Variants in UBE3D observed in about 807,000 individuals in gnomAD.
UBE3D encodes E3 ubiquitin-protein ligase E3D.
A neutral mutation model predicts 49.6 loss-of-function variants in UBE3D; 48 were observed. The ratio of observed to expected loss-of-function variants is 0.97; its 90% CI spans 0.77 to 1.23. The LOEUF (loss-of-function observed/expected upper bound fraction) is 1.23, where lower values mean the gene tolerates loss of function less well. Ranked by LOEUF, UBE3D falls within the 50% of genes most tolerant of loss-of-function variation. The pLI, the probability that UBE3D is intolerant of heterozygous loss-of-function variation, is 0.00. For synonymous variants in UBE3D, 189 were observed against 174.2 expected (o/e 1.08, Z -0.67); for missense variants, 452 against 468.4 (o/e 0.96, Z 0.32).
At chr6:83,029,390 T>C (rs1781706012) in intron 5 of UBE3D, among the ~76,000 whole-genome samples, 1 of 152,212 alleles carries the variant, frequency 6.6e-6, no homozygotes, top group Non-Finnish European at 1.5e-5. Flanking sequence ...CTTTAGATCA[T>C]CTAGTGAATT....
chr6:82,988,511 T>C (rs1358581879), intron 8 of UBE3D, among the ~76,000 whole-genome samples: 1 of 151,862 alleles, frequency 6.6e-6, no homozygotes, highest in Non-Finnish European at 1.5e-5. Flanking sequence ...TGAAGACAAA[T>C]CTCTTAAACA....
intron 9 of UBE3D, among the ~76,000 whole-genome samples, chr6:82,904,105 T>G (rs1771928475): frequency 6.6e-6 from 1 of 152,102 alleles, no homozygotes; most frequent in African/African-American, 2.4e-5. Context: ...GAATTCTAAT[T>G]GATATGAAAA....
intron 8 of UBE3D, among the ~76,000 whole-genome samples, chr6:82,994,172 AG>A (rs1779087355): frequency 6.6e-6 from 1 of 152,256 alleles, no homozygotes; most frequent in African/African-American, 2.4e-5. Context: ...GGACAACAGA[AG>A]AAAAAATTTT....
At chr6:82,939,754 T>A (rs1774869201) in intron 9 of UBE3D, among the ~76,000 whole-genome samples, 1 of 152,222 alleles carries the variant, frequency 6.6e-6, no homozygotes, top group Admixed American at 6.5e-5. Context: ...TGATGCCTCA[T>A]GACATGTTTC....
intron 9 of UBE3D, among the ~76,000 whole-genome samples, chr6:82,937,459 A>T (rs1302675148): frequency 6.6e-6 from 1 of 152,200 alleles, no homozygotes; most frequent in Non-Finnish European, 1.5e-5. Context: ...AAGCAGACAC[A>T]TATCTTTAGC....
At chr6:82,911,633 A>T (rs895894373) in intron 9 of UBE3D, among the ~76,000 whole-genome samples, 5 of 152,158 alleles carry the variant, frequency 3.3e-5, no homozygotes, top group African/African-American at 1.2e-4. Context: ...TGAGACTTTC[A>T]TTTAAACACA....
chr6:83,012,012 T>C (rs987092494), intron 8 of UBE3D, among the ~76,000 whole-genome samples: 8 of 152,188 alleles, frequency 5.3e-5, no homozygotes, highest in African/African-American at 1.9e-4. Flanking sequence ...GTTGTAATTA[T>C]GACTTCAAAA....
chr6:82,980,680 T>G (rs1778054375), intron 8 of UBE3D, among the ~76,000 whole-genome samples: 2 of 152,134 alleles, frequency 1.3e-5, no homozygotes, highest in Admixed American at 1.3e-4. Flanking sequence ...TTTCCTAAGT[T>G]TTCTTCTCAT....
At chr6:83,060,067 C>T (rs1188075808) in intron 1 of UBE3D, among the ~76,000 whole-genome samples, 12 of 152,150 alleles carry the variant, frequency 7.9e-5, no homozygotes, top group Non-Finnish European at 1.5e-5. Context: ...ATCAGGGGGG[C>T]CCCGCCCTCA....
downstream of UBE3D, among the ~76,000 whole-genome samples, chr6:82,888,874 C>T (rs554024482): frequency 6.6e-6 from 1 of 152,252 alleles, no homozygotes; most frequent in Admixed American, 6.5e-5. Flanking sequence ...GACTGATTTC[C>T]ATTAACTCCC....
intron 8 of UBE3D, among the ~76,000 whole-genome samples, chr6:82,965,421 T>TAA (rs141243542): frequency 0.16 from 23,942 of 151,452 alleles, 1,924 homozygotes; most frequent in African/African-American, 0.17. Context: ...CCATCTCTAC[T>TAA]AAATACAAAA....
the UBE3D span, among the ~76,000 whole-genome samples, chr6:82,886,553 T>C: frequency 6.6e-6 from 1 of 152,190 alleles, no homozygotes; most frequent in South Asian, 2.1e-4. Flanking sequence ...CTTGATGGAA[T>C]AAAGGGAAAA....
At chr6:82,918,062 G>A (rs1330919615) in intron 9 of UBE3D, among the ~76,000 whole-genome samples, 2 of 151,828 alleles carry the variant, frequency 1.3e-5, no homozygotes, top group Non-Finnish European at 2.9e-5. Context: ...TTTGTCTCTT[G>A]GCCAAATTCT....
In UBE3D at chr6:83,057,825, C is replaced by G; in HGVS notation, c.274+1G>C. The G allele has an allele frequency of 1.9e-6, 3 of 1,613,938 alleles. No individual in the cohort carries two copies. Among genetic ancestry groups the G allele is most frequent in the Non-Finnish European group, 2.5e-6 (3 of 1,179,910 alleles). ...GCAGCAGAAGTGCTAATATTACTCA[C>G]TTGTGCCTAATTTTGCTTGCGTCTG... On this transcript the variant is annotated splice_donor_variant, in intron 2 of 9. Transcript: ENST00000369747. LOFTEE classifies it high-confidence loss of function.
At chr6:82,895,473 A>G (rs1207449317) in intron 9 of UBE3D, among the ~76,000 whole-genome samples, 1 of 152,170 alleles carries the variant, frequency 6.6e-6, no homozygotes, top group Non-Finnish European at 1.5e-5. Flanking sequence ...CAGTGGACAG[A>G]GGCCAGGGAC....
At chr6:82,895,797 A>G (rs907349703) in intron 9 of UBE3D, among the ~76,000 whole-genome samples, 4 of 152,344 alleles carry the variant, frequency 2.6e-5, no homozygotes, top group South Asian at 2.1e-4. Flanking sequence ...TTTTCCCACT[A>G]TAACTTTACA....
intron 9 of UBE3D, among the ~76,000 whole-genome samples, chr6:82,943,871 A>G (rs1039372819): frequency 1.3e-5 from 2 of 152,152 alleles, no homozygotes; most frequent in Non-Finnish European, 2.9e-5. Flanking sequence ...TCCTGGTTAC[A>G]GTGGAAAGCA....
At chr6:83,000,226 C>A (rs1198246173) in intron 8 of UBE3D, among the ~76,000 whole-genome samples, 6 of 152,184 alleles carry the variant, frequency 3.9e-5, no homozygotes, top group Non-Finnish European at 8.8e-5. Flanking sequence ...CAGCCCCAAC[C>A]TTTTATTTGA....
At chr6:83,058,111 C>T in intron 1 of UBE3D, 89 bp from the exon 2 acceptor site, 3 of 1,334,960 alleles carry the variant, frequency 2.2e-6, no homozygotes, top group Non-Finnish European at 3.1e-6. Flanking sequence ...GGATCTCTTT[C>T]TTCCTCTTCA....
Sources: gnomAD v4.1 joint callset for allele counts (sites outside exome capture counted in the v4.1 genomes callset) on GRCh38, gnomAD v4.1.1 for gene constraint, MANE v1.5 for transcripts, NCBI Gene and HGNC (gene_info 2026-07-23, HGNC 2026-07-21) for gene names.